The following ALG9 variants were observed in gnomAD, a reference collection of about 807,000 sequenced individuals.
The protein encoded by ALG9 is ALG9 alpha-1,2-mannosyltransferase.
A neutral mutation model predicts 81.8 loss-of-function variants in ALG9; 55 were observed. The observed-to-expected ratio is 0.67, with a 90% CI of 0.54 to 0.84. ALG9 has a LOEUF of 0.84. ALG9 is among the 40% of genes least tolerant of loss of function. The pLI is 0.00. For missense variants in ALG9, 629 were observed against 745.0 expected (o/e 0.84, Z 1.81); for synonymous variants, 278 against 274.3 (o/e 1.01, Z -0.13).
At chr11:111,844,207 G>A (rs1390648690) in intron 9 of ALG9, among the ~76,000 whole-genome samples, 1 of 152,092 alleles carries the variant, frequency 6.6e-6, no homozygotes, top group South Asian at 2.1e-4. Flanking sequence ...GTTTCACCAC[G>A]TTGGCCAGGC....
chr11:111,821,485 C>T (rs151078100), intron 13 of ALG9, among the ~76,000 whole-genome samples: 11 of 152,274 alleles, frequency 7.2e-5, no homozygotes, highest in African/African-American at 2.2e-4. Flanking sequence ...CCAATGACTC[C>T]GCCAAGCCCA....
intron 9 of ALG9, among the ~76,000 whole-genome samples, chr11:111,841,327 T>C (rs1414599894): frequency 6.6e-6 from 1 of 152,194 alleles, no homozygotes; most frequent in African/African-American, 2.4e-5. Context: ...CTGGTTTTCA[T>C]CAAGCCACAA....
chr11:111,826,682 G>C (rs1953361399), intron 13 of ALG9, among the ~76,000 whole-genome samples: 1 of 152,048 alleles, frequency 6.6e-6, no homozygotes, highest in Admixed American at 6.6e-5. Flanking sequence ...ATATATCTTG[G>C]TATGGATCTT....
At chr11:111,828,790 A>G (rs890516071) in intron 13 of ALG9, 5 of 152,194 alleles carry the variant, frequency 3.3e-5, no homozygotes, top group Admixed American at 1.3e-4. Context: ...TTTTTTTTCC[A>G]TGATGAAATT....
chr11:111,822,275 G>A (rs1354753450), intron 13 of ALG9, among the ~76,000 whole-genome samples: 1 of 151,920 alleles, frequency 6.6e-6, no homozygotes, highest in East Asian at 2.0e-4. Flanking sequence ...CAGGCACGGT[G>A]GCACGTGCCT....
intron 14 of ALG9, among the ~76,000 whole-genome samples, chr11:111,803,425 C>T (rs1461669782): frequency 1.3e-5 from 2 of 151,068 alleles, no homozygotes; most frequent in Non-Finnish European, 3.0e-5. Flanking sequence ...CGCTTGAACC[C>T]GGGAGGCAGA....
intron 8 of ALG9, among the ~76,000 whole-genome samples, chr11:111,845,555 T>A (rs1956831669): frequency 6.6e-6 from 1 of 152,116 alleles, no homozygotes; most frequent in Non-Finnish European, 1.5e-5. Flanking sequence ...AAAACACAAG[T>A]CTTACTCACA....
chr11:111,871,321 C>T, intron 1 of ALG9, 31 bp downstream of exon 1: 3 of 1,391,894 alleles, frequency 2.2e-6, no homozygotes, highest in South Asian at 3.3e-5. Flanking sequence ...CCCCGCCGGC[C>T]GGCCACGCCC....
In ALG9 at chr11:111,822,524, C is replaced by G. The variant is rs556798394; in HGVS notation, c.1603-12751G>C. ...CCTAGGAGTTTAAGACCAACCTGGG[C>G]AAAATAGTGAGACCTCGTCTCTACA... On this transcript the variant is annotated intron_variant, in intron 13 of 14. Coordinates refer to ENST00000616540, the MANE Select transcript of ALG9 (RefSeq NM_024740.2). Among the ~76,000 whole-genome samples, 30 of 151,374 alleles carry G rather than the reference C, an allele frequency of 2.0e-4. No individual in the cohort carries two copies. The South Asian group carries it at 2.7e-3, about 14-fold the overall frequency.
chr11:111,781,453 T>A (rs1346116204), downstream of ALG9, among the ~76,000 whole-genome samples: 1 of 152,038 alleles, frequency 6.6e-6, no homozygotes, highest in African/African-American at 2.4e-5. Flanking sequence ...TTAAAAAAAA[T>A]TTATTCCTTC....
intron 13 of ALG9, among the ~76,000 whole-genome samples, chr11:111,832,494 C>T (rs1391488416): frequency 6.6e-6 from 1 of 152,002 alleles, no homozygotes; most frequent in Non-Finnish European, 1.5e-5. Flanking sequence ...GTCTCAAACT[C>T]CTAGCCTCAA....
chr11:111,805,590 G>A (rs958094754), intron 14 of ALG9, among the ~76,000 whole-genome samples: 2 of 152,230 alleles, frequency 1.3e-5, no homozygotes, highest in African/African-American at 2.4e-5. Flanking sequence ...CAAGCTATAT[G>A]ACATTCTGGA....
At chr11:111,856,276 C>CAA (rs1175162630) in intron 6 of ALG9, among the ~76,000 whole-genome samples, 1,312 of 38,320 alleles carry the variant, frequency 0.034, 52 homozygotes, top group Middle Eastern at 0.068. Flanking sequence ...GACTCCATCT[C>CAA]AAAAAAAAAA....
chr11:111,770,266 TAC>T, the ALG9 span, among the ~76,000 whole-genome samples: 2 of 152,220 alleles, frequency 1.3e-5, no homozygotes, highest in African/African-American at 2.4e-5. Context: ...CCAGATGGTT[TAC>T]AGTGTCCACT....
In ALG9 at chr11:111,844,603, T is replaced by C; in HGVS notation, c.1016A>G (p.His339Arg). 6.2e-7 allele frequency: 1 copy of C among 1,613,998 alleles called. No homozygotes were observed. The highest frequency in any genetic ancestry group is 8.5e-7 in the Non-Finnish European group (1 of 1,179,958). Residue 339 changes from histidine to arginine, a missense_variant and splice_region_variant, in exon 9 of 15, where the codon CAT becomes CGT. This residue lies in a region of ALG9 where 21 missense variants were observed against 52.4 expected (regional missense o/e 0.40). Coordinates refer to ENST00000616540, the MANE Select transcript of ALG9 (RefSeq NM_024740.2). ...SLMEYLLQRF[H>R]VQNLGHPYWL... ...CTACCATCTCTTATGCCACTCACCA[T>C]GAAATCTCTGCAGCAGGTATTCCAT...
At chr11:111,852,184 T>C (rs1468374221) in intron 8 of ALG9, among the ~76,000 whole-genome samples, 6 of 152,228 alleles carry the variant, frequency 3.9e-5, no homozygotes, top group Non-Finnish European at 7.3e-5. Flanking sequence ...ACCTGCTTCA[T>C]AGCAGAACCC....
chr11:111,776,550 C>G, the ALG9 span, among the ~76,000 whole-genome samples: 1 of 151,982 alleles, frequency 6.6e-6, no homozygotes, highest in Non-Finnish European at 1.5e-5. Context: ...ATCATGCTAC[C>G]GCACTCCAAC....
the ALG9 span, chr11:111,768,998 G>A: frequency 6.6e-6 from 1 of 151,372 alleles, no homozygotes; most frequent in Non-Finnish European, 1.5e-5. Context: ...AAGATCAGAG[G>A]GGATTCCTGT....
intron 14 of ALG9, among the ~76,000 whole-genome samples, chr11:111,808,396 A>G (rs1555087470): frequency 6.6e-6 from 1 of 152,192 alleles, no homozygotes; most frequent in Non-Finnish European, 1.5e-5. Context: ...TCTATGACCA[A>G]GCTAGTGACC....
Sources: allele counts gnomAD v4.1 joint callset (sites outside exome capture counted in the v4.1 genomes callset), GRCh38; gene constraint gnomAD v4.1.1; regional missense constraint gnomAD v4.1.1; transcripts MANE v1.5; gene names NCBI Gene and HGNC (gene_info 2026-07-23, HGNC 2026-07-21).